The following FHIT variants were observed in gnomAD, a reference collection of about 807,000 sequenced individuals.
The protein encoded by FHIT is fragile histidine triad diadenosine triphosphatase.
A neutral mutation model predicts 17.9 loss-of-function variants in FHIT; 19 were observed. That is an observed-to-expected ratio of 1.06 (90% CI 0.74 to 1.56). FHIT has a LOEUF of 1.56. Among genes scored for constraint, FHIT ranks in the 40% most tolerant of loss-of-function variants. The probability of loss-of-function intolerance (pLI) is 0.00; values close to 1 mark genes in which losing one functional copy is unlikely to be tolerated. For missense variants in FHIT, 248 were observed against 189.2 expected, an observed-to-expected ratio of 1.31 and a Z score of -1.82; for synonymous variants, 81 against 69.7, an observed-to-expected ratio of 1.16 and a Z score of -0.81.
chr3:60,377,469 T>C lies in FHIT; in HGVS notation c.103+159391A>G, dbSNP rs1288742023. ...ACCATGCCCAGCCAAGAATTCTTTT[T>C]TTTTTTTTTTTTTTTTTTTTTTTGA... On this transcript the variant is annotated intron_variant, in intron 5 of 9. Coordinates refer to ENST00000492590, the MANE Select transcript of FHIT (RefSeq NM_002012.4). Among the ~76,000 whole-genome samples the C allele has an allele frequency of 3.9e-4, 9 of 23,216 alleles. No individual in the cohort carries two copies. In the East Asian group the frequency reaches 0.012, roughly 30 times the overall value. The allele number at this position is 23,216 out of a possible 152,430, so 15.2% of individuals were successfully genotyped here. A position where few individuals can be genotyped will look rare whatever the true frequency, so the allele number is the denominator to read the frequency against.
intron 5 of FHIT, among the ~76,000 whole-genome samples, chr3:60,407,009 A>G (rs1254563136): frequency 6.6e-6 from 1 of 150,532 alleles, no homozygotes; most frequent in Non-Finnish European, 1.5e-5. Flanking sequence ...TCAATTCTCA[A>G]GTCTCATTCT....
At chr3:61,104,938 T>A (rs1399095213) in intron 2 of FHIT, among the ~76,000 whole-genome samples, 3 of 152,162 alleles carry the variant, frequency 2.0e-5, no homozygotes, top group African/African-American at 7.2e-5. Flanking sequence ...TTCTTTTCTA[T>A]ATTGACTATT....
At chr3:59,892,384 C>T (rs1703891233) in intron 8 of FHIT, among the ~76,000 whole-genome samples, 1 of 152,328 alleles carries the variant, frequency 6.6e-6, no homozygotes, top group Non-Finnish European at 1.5e-5. Flanking sequence ...ATGAAAATAA[C>T]CATCAACAAA....
intron 2 of FHIT, among the ~76,000 whole-genome samples, chr3:61,064,801 A>G (rs1015111335): frequency 6.6e-6 from 1 of 152,174 alleles, no homozygotes; most frequent in Non-Finnish European, 1.5e-5. Context: ...GCAACTGTGT[A>G]TATGCTGCCT....
chr3:59,820,137 A>G lies in FHIT; in HGVS notation c.349-67816T>C, dbSNP rs527944958. Among the ~76,000 whole-genome samples the G allele has an allele frequency of 2.6e-5, 4 of 152,368 alleles. No individual in the cohort carries two copies. In the South Asian group the frequency reaches 8.3e-4, roughly 32 times the overall value. On this transcript the variant is annotated intron_variant, in intron 8 of 9. Coordinates refer to ENST00000492590, the MANE Select transcript of FHIT (RefSeq NM_002012.4). ...ATTGTAGAAACAGGAATGGACTAAG[A>G]CAATGAATATATACCTTGCCTGTTA... is the stretch of plus-strand genomic sequence containing the variant.
intron 3 of FHIT, among the ~76,000 whole-genome samples, chr3:60,911,724 T>C (rs1321830718): frequency 6.6e-6 from 1 of 152,148 alleles, no homozygotes; most frequent in Non-Finnish European, 1.5e-5. Context: ...TTATGGTTTT[T>C]AAAAGAAGTA....
At chr3:59,772,157 G>A (rs812964) in intron 8 of FHIT, among the ~76,000 whole-genome samples, 124,890 of 152,234 alleles carry the variant, frequency 0.82, 51,521 homozygotes, top group East Asian at 1. Context: ...TCGTTGATCT[G>A]CATTCACTAA....
intron 7 of FHIT, among the ~76,000 whole-genome samples, chr3:59,953,061 G>A (rs554836980): frequency 3.9e-5 from 6 of 151,904 alleles, no homozygotes; most frequent in Non-Finnish European, 7.4e-5. Context: ...TCTGAATCTC[G>A]GTCCCCTAGC....
intron 4 of FHIT, among the ~76,000 whole-genome samples, chr3:60,731,219 G>C (rs1553711141): frequency 6.6e-6 from 1 of 152,164 alleles, no homozygotes; most frequent in East Asian, 1.9e-4. Flanking sequence ...CGTCATCAAA[G>C]AATGTTACCA....
chr3:61,231,121 G>A (rs980386986), intron 1 of FHIT, among the ~76,000 whole-genome samples: 3 of 152,056 alleles, frequency 2.0e-5, no homozygotes, highest in Admixed American at 6.5e-5. Context: ...ATTGGGTAAC[G>A]CATAGGCATG....
chr3:60,124,037 GAGAGAGAGAGAGAGAGAGAC>G (rs1281235083), intron 5 of FHIT, among the ~76,000 whole-genome samples: 161 of 115,460 alleles, frequency 1.4e-3, no homozygotes, highest in Middle Eastern at 4.4e-3. Flanking sequence ...GAGAGAGAGA[GAGAGAGAGAGAGAGAGAGAC>G]AGAGAGAGAG....
At chr3:60,145,669 GACTCAACTGACTATT>G (rs1396319327) in intron 5 of FHIT, among the ~76,000 whole-genome samples, 1 of 152,158 alleles carries the variant, frequency 6.6e-6, no homozygotes, top group Non-Finnish European at 1.5e-5. Flanking sequence ...ATACCAGTTT[GACTCAACTGACTATT>G]ACCCTTACAA....
At chr3:60,372,493 C>T (rs1373884412) in intron 5 of FHIT, among the ~76,000 whole-genome samples, 1 of 152,068 alleles carries the variant, frequency 6.6e-6, no homozygotes, top group East Asian at 1.9e-4. Flanking sequence ...GCTTATCTTC[C>T]TGGTTTCTTT....
chr3:59,828,847 C>G (rs2629884), intron 8 of FHIT, among the ~76,000 whole-genome samples: 144,104 of 150,958 alleles, frequency 0.95, 69,030 homozygotes, highest in East Asian at 1. Flanking sequence ...GGTACTCTCT[C>G]TGTGTGTGTG....
intron 5 of FHIT, among the ~76,000 whole-genome samples, chr3:60,365,436 T>C (rs1337526952): frequency 3.9e-5 from 6 of 152,066 alleles, no homozygotes; most frequent in Admixed American, 1.3e-4. Flanking sequence ...ACAATTCACG[T>C]TTTAAAATAG....
intron 8 of FHIT, among the ~76,000 whole-genome samples, chr3:59,867,684 A>G (rs937318246): frequency 9.9e-5 from 15 of 152,094 alleles, no homozygotes; most frequent in Non-Finnish European, 1.5e-5. Context: ...CCTTAGCCAC[A>G]GAAAACTATT....
At chr3:60,359,097 A>G (rs1699790145) in intron 5 of FHIT, among the ~76,000 whole-genome samples, 1 of 152,090 alleles carries the variant, frequency 6.6e-6, no homozygotes, top group Non-Finnish European at 1.5e-5. Context: ...GTGTGAGCCA[A>G]ATCACATGCA....
At chr3:60,896,319 T>C (rs1280058316) in intron 3 of FHIT, among the ~76,000 whole-genome samples, 1 of 152,172 alleles carries the variant, frequency 6.6e-6, no homozygotes, top group Non-Finnish European at 1.5e-5. Context: ...TGTTCACTGC[T>C]GCTAGGAGTG....
chr3:60,687,929 T>C (rs2040895498), intron 4 of FHIT, among the ~76,000 whole-genome samples: 1 of 152,182 alleles, frequency 6.6e-6, no homozygotes, highest in Admixed American at 6.5e-5. Flanking sequence ...AATATTTTTA[T>C]AGCCTTTGAT....
Sources: allele counts gnomAD v4.1 joint callset (sites outside exome capture counted in the v4.1 genomes callset), GRCh38; gene constraint gnomAD v4.1.1; transcripts MANE v1.5; gene names NCBI Gene and HGNC (gene_info 2026-07-23, HGNC 2026-07-21).